Variants in UBR3 observed in about 807,000 individuals in gnomAD.
UBR3 encodes E3 ubiquitin-protein ligase UBR3.
In UBR3, 85 loss-of-function variants were observed where a neutral mutation model predicts 243.2. The ratio of observed to expected loss-of-function variants is 0.35; its 90% CI spans 0.29 to 0.42. The LOEUF (loss-of-function observed/expected upper bound fraction) is 0.42. Ranked by LOEUF, UBR3 falls within the 10% of genes least tolerant of loss-of-function variation. The probability of loss-of-function intolerance (pLI) is 1.00; values close to 1 mark genes in which losing one functional copy is unlikely to be tolerated. For missense variants in UBR3, 1,686 were observed against 2,300.8 expected, an observed-to-expected ratio of 0.73 and a Z score of 5.47; for synonymous variants, 748 against 799.8, an observed-to-expected ratio of 0.94 and a Z score of 1.09.
Position 169,947,662 on chromosome 2 carries a change from G to A in UBR3, c.3031G>A (p.Val1011Ile), listed in dbSNP as rs1413899275. ...AAGAGTTCCAGAGACTGCTCCTGAAGTAAAGAGAGACTCACCTGCAAGTAC... is the reference window on the plus strand; with the variant it reads ...AAGAGTTCCAGAGACTGCTCCTGAAATAAAGAGAGACTCACCTGCAAGTAC... ...RVRVPETAPEVKRDSPASTSS... is the reference protein window; with the variant it reads ...RVRVPETAPEIKRDSPASTSS... The change falls in exon 22 of 39, where the codon GTA (valine) becomes ATA (isoleucine). Residue 1011 changes from valine (V) to isoleucine (I), a missense_variant. This residue lies in a region of UBR3 where 300 missense variants were observed against 314.4 expected (regional missense o/e 0.95). Coordinates refer to ENST00000272793, the MANE Select transcript of UBR3 (RefSeq NM_172070.4). 1.3e-6 allele frequency: 2 copies of A among 1,538,348 alleles called. No homozygotes were observed. Among genetic ancestry groups the A allele is most frequent in the Non-Finnish European group, 1.8e-6 (2 of 1,140,898 alleles).
intron 29 of UBR3, among the ~76,000 whole-genome samples, chr2:170,010,564 C>G (rs188759797): frequency 1.3e-5 from 2 of 152,056 alleles, no homozygotes; most frequent in Non-Finnish European, 2.9e-5. Flanking sequence ...AAGTAACTTA[C>G]AGAAAAAAGC....
chr2:169,951,982 T>C (rs916101129), intron 23 of UBR3, among the ~76,000 whole-genome samples: 3 of 152,130 alleles, frequency 2.0e-5, no homozygotes, highest in African/African-American at 7.2e-5. Flanking sequence ...ATCTGTTCAG[T>C]TCTGGACGCT....
chr2:169,871,555 C>A (rs2083438782), intron 1 of UBR3, among the ~76,000 whole-genome samples: 1 of 151,674 alleles, frequency 6.6e-6, no homozygotes, highest in Non-Finnish European at 1.5e-5. Flanking sequence ...ACCAGCCTGG[C>A]CAACCAACAT....
rs1397168131 is a variant in UBR3, at chr2:169,875,449, C to T, written c.686-342C>T. On this transcript the variant is annotated intron_variant, in intron 2 of 38. Transcript: ENST00000272793. Reference sequence around the variant, plus strand: ...GCTTAAGCCATCCTCCTGCCTCAGACTCCTGAGTAGCTGGGACTACAGGCG... The same window carrying T: ...GCTTAAGCCATCCTCCTGCCTCAGATTCCTGAGTAGCTGGGACTACAGGCG... Among the ~76,000 whole-genome samples the T allele has an allele frequency of 2.0e-5, 3 of 152,188 alleles. No homozygotes were observed. In the South Asian group the frequency reaches 6.2e-4, roughly 31 times the overall value.
chr2:169,990,137 G>A (rs1487071295), intron 25 of UBR3, among the ~76,000 whole-genome samples: 1 of 152,128 alleles, frequency 6.6e-6, no homozygotes, highest in Admixed American at 6.5e-5. Context: ...TTCAAACCAT[G>A]TATTAAAGAA....
intron 35 of UBR3, among the ~76,000 whole-genome samples, chr2:170,068,129 A>C (rs774367708): frequency 6.6e-6 from 1 of 152,132 alleles, no homozygotes; most frequent in African/African-American, 2.4e-5. Context: ...TGTGGGATCC[A>C]GCTAAAGCAG....
intron 18 of UBR3, among the ~76,000 whole-genome samples, chr2:169,929,340 C>T (rs546067499): frequency 2.0e-5 from 3 of 151,958 alleles, no homozygotes; most frequent in Non-Finnish European, 2.9e-5. Context: ...TTTGGGAGGC[C>T]GAGGTGGCTG....
At chr2:169,945,198 A>G (rs1419227972) in intron 20 of UBR3, among the ~76,000 whole-genome samples, 3 of 150,256 alleles carry the variant, frequency 2.0e-5, no homozygotes, top group African/African-American at 7.4e-5. Context: ...GAGGGGCTCT[A>G]TAATTCCAAT....
chr2:169,899,653 C>T (rs1229064687), intron 8 of UBR3, among the ~76,000 whole-genome samples: 1 of 151,982 alleles, frequency 6.6e-6, no homozygotes, highest in Non-Finnish European at 1.5e-5. Flanking sequence ...TGCTGTTCCT[C>T]CCCCCGCCCC....
intron 25 of UBR3, among the ~76,000 whole-genome samples, 176 bp downstream of exon 25, chr2:169,986,970 A>T (rs1168973441): frequency 6.6e-6 from 1 of 152,230 alleles, no homozygotes; most frequent in Non-Finnish European, 1.5e-5. Flanking sequence ...TTTCCTGGAC[A>T]TGAGTGTTAG....
rs2091916651 is a variant in UBR3, at chr2:170,082,052, GT to G, written c.*211del. The G allele has an allele frequency of 5.3e-6, 2 of 375,670 alleles. No homozygotes were observed. The allele number at this position is 375,670 out of a possible 1,614,324, so 23.3% of individuals were successfully genotyped here. On this transcript the variant is annotated 3_prime_UTR_variant, in exon 39 of 39. Coordinates refer to ENST00000272793, the MANE Select transcript of UBR3 (RefSeq NM_172070.4). The stretch of plus-strand genomic sequence containing the variant: ...AATATCTGGAGAACATTAATAACAA[GT>G]TAAATTATTCTTTAGTGGTCATTTT...
chr2:169,847,687 T>C lies in UBR3; in HGVS notation c.545+19635T>C, dbSNP rs2082528431. Among the ~76,000 whole-genome samples the C allele has an allele frequency of 2.0e-5, 3 of 152,258 alleles. No individual in the cohort carries two copies. In the South Asian group the frequency reaches 6.2e-4, roughly 31 times the overall value. On this transcript the variant is annotated intron_variant, in intron 1 of 38. Coordinates refer to ENST00000272793, the MANE Select transcript of UBR3 (RefSeq NM_172070.4). ...TATTTTTTCTAGTATTTCTTTCTAA[T>C]TATTCTCCACTACTGAGGAAAGATA...
intron 1 of UBR3, among the ~76,000 whole-genome samples, chr2:169,845,552 TTTCTTC>T (rs372487053): frequency 4.4e-4 from 64 of 145,856 alleles, no homozygotes; most frequent in African/African-American, 1.5e-3. Context: ...CTTCTTCTTC[TTTCTTC>T]TTCTTCTTCT....
intron 1 of UBR3, among the ~76,000 whole-genome samples, chr2:169,857,068 T>TGTTTTTTG (rs759330481): frequency 0.017 from 1,420 of 84,434 alleles, 172 homozygotes; most frequent in Middle Eastern, 0.032. Context: ...TATTATGTTT[T>TGTTTTTTG]TTTTTTTTTT....
Position 169,868,888 on chromosome 2 carries a change from G to A in UBR3, c.546-3348G>A, listed in dbSNP as rs575818279. ...GTTTACATATTGCATGTGCTTATTG[G>A]GTGTTTCAAGCCTCTTTTAACCTAG... On this transcript the variant is annotated intron_variant, in intron 1 of 38. Coordinates refer to ENST00000272793, the MANE Select transcript of UBR3 (RefSeq NM_172070.4). 5.3e-5 allele frequency among the ~76,000 whole-genome samples: 8 copies of A among 152,234 alleles called. No individual in the cohort carries two copies. The East Asian group carries it at 1.5e-3, about 29-fold the overall frequency.
At chr2:169,965,600 A>G (rs893579669) in intron 24 of UBR3, among the ~76,000 whole-genome samples, 21 of 152,202 alleles carry the variant, frequency 1.4e-4, no homozygotes, top group African/African-American at 5.1e-4. Flanking sequence ...AAGTAAAATA[A>G]GTGTTACTTG....
intron 5 of UBR3, 26 bp downstream of exon 5, chr2:169,878,600 T>A (rs2083705866): frequency 1.3e-6 from 2 of 1,541,406 alleles, no homozygotes; most frequent in Non-Finnish European, 1.8e-6. Context: ...CAAAACTTTT[T>A]AAAAAGTACA....
At chr2:169,904,941 G>T (rs2084961964) in intron 8 of UBR3, among the ~76,000 whole-genome samples, 173 bp from the exon 9 acceptor site, 1 of 152,064 alleles carries the variant, frequency 6.6e-6, no homozygotes, top group African/African-American at 2.4e-5. Context: ...TATAAATGAA[G>T]AAATTGATTC....
chr2:169,995,455 T>C (rs1483609488), intron 26 of UBR3, among the ~76,000 whole-genome samples: 1 of 152,246 alleles, frequency 6.6e-6, no homozygotes, highest in Non-Finnish European at 1.5e-5. Flanking sequence ...GATGTTTTTG[T>C]AATCAGAAAT....
Sources: gnomAD v4.1 joint callset for allele counts (sites outside exome capture counted in the v4.1 genomes callset) on GRCh38, gnomAD v4.1.1 for gene constraint, gnomAD v4.1.1 regional missense constraint, MANE v1.5 for transcripts, NCBI Gene and HGNC (gene_info 2026-07-23, HGNC 2026-07-21) for gene names.